MNAT1: variants seen among roughly 807,000 people sequenced by gnomAD.
MNAT1 encodes the protein CDK-activating kinase assembly factor MAT1.
A neutral mutation model predicts 42.0 loss-of-function variants in MNAT1; 43 were observed. The observed-to-expected ratio is 1.02, with a 90% CI of 0.80 to 1.32. The LOEUF (loss-of-function observed/expected upper bound fraction) is 1.32, where lower values mean the gene tolerates loss of function less well. Ranked by LOEUF, MNAT1 falls within the 40% of genes most tolerant of loss-of-function variation. MNAT1 has a pLI of 0.00. For synonymous variants in MNAT1, 118 were observed against 120.0 expected (o/e 0.98, Z 0.11); for missense variants, 306 against 350.4 (o/e 0.87, Z 1.01).
At chr14:60,948,925 T>G (rs1338838832) in intron 7 of MNAT1, among the ~76,000 whole-genome samples, 2 of 151,476 alleles carry the variant, frequency 1.3e-5, no homozygotes, top group African/African-American at 4.8e-5. Flanking sequence ...AACAGCAAGA[T>G]AAGATGATTT....
intron 7 of MNAT1, among the ~76,000 whole-genome samples, chr14:60,924,926 C>T (rs2035735132): frequency 6.6e-6 from 1 of 152,154 alleles, no homozygotes; most frequent in African/African-American, 2.4e-5. Flanking sequence ...AATGTAGATT[C>T]CATATTGTAG....
At chr14:60,895,765 C>CAACAA (rs746386602) in intron 7 of MNAT1, among the ~76,000 whole-genome samples, 112 of 152,170 alleles carry the variant, frequency 7.4e-4, no homozygotes, top group East Asian at 1.2e-3. Context: ...GACTCTGTCT[C>CAACAA]AACAAAACAA....
intron 6 of MNAT1, among the ~76,000 whole-genome samples, chr14:60,871,339 C>T (rs1594819095): frequency 6.6e-6 from 1 of 152,114 alleles, no homozygotes; most frequent in Admixed American, 6.6e-5. Flanking sequence ...AGTAAATTTA[C>T]TTGTCACTTT....
chr14:60,942,918 G>T (rs1207441955), intron 7 of MNAT1, among the ~76,000 whole-genome samples: 1 of 150,704 alleles, frequency 6.6e-6, no homozygotes, highest in Non-Finnish European at 1.5e-5. Context: ...ATTTACAGAT[G>T]TATTTTTAAT....
At chr14:60,920,624 G>A (rs140930742) in intron 7 of MNAT1, among the ~76,000 whole-genome samples, 1,617 of 151,922 alleles carry the variant, frequency 0.011, 11 homozygotes, top group Non-Finnish European at 0.016. Flanking sequence ...TGTATTTTTA[G>A]TAGAGACAGG....
chr14:60,739,944 A>G lies in MNAT1; in HGVS notation c.89+4993A>G, dbSNP rs4151158. 9.8e-5 allele frequency among the ~76,000 whole-genome samples: 15 copies of G among 152,354 alleles called. No individual in the cohort carries two copies. The South Asian group carries it at 2.1e-3, about 21-fold the overall frequency. ...TGAGGCGGGTGGATCACCTGAGGTCAGGAGTTCGAGACCATCCTGGCCAAC... is the reference window on the plus strand; with the variant it reads ...TGAGGCGGGTGGATCACCTGAGGTCGGGAGTTCGAGACCATCCTGGCCAAC... On this transcript the variant is annotated intron_variant, in intron 1 of 7. Transcript: ENST00000261245.
intron 6 of MNAT1, among the ~76,000 whole-genome samples, chr14:60,819,928 TGA>T (rs1370135280): frequency 6.6e-6 from 1 of 152,154 alleles, no homozygotes; most frequent in Non-Finnish European, 1.5e-5. Context: ...TCTCAATAAT[TGA>T]GGTTAGTTTT....
intron 1 of MNAT1, among the ~76,000 whole-genome samples, chr14:60,739,128 C>T (rs1009627179): frequency 1.3e-5 from 2 of 151,858 alleles, no homozygotes; most frequent in African/African-American, 4.8e-5. Context: ...CTACTTATGA[C>T]GTGGCTTCTC....
chr14:60,926,294 G>C (rs2035762443), intron 7 of MNAT1, among the ~76,000 whole-genome samples: 1 of 152,160 alleles, frequency 6.6e-6, no homozygotes, highest in South Asian at 2.1e-4. Context: ...CAGTCCAGTA[G>C]ACACCAACTG....
intron 1 of MNAT1, among the ~76,000 whole-genome samples, chr14:60,774,495 G>A (rs541772058): frequency 1.3e-5 from 2 of 152,232 alleles, no homozygotes; most frequent in Non-Finnish European, 2.9e-5. Flanking sequence ...CATGAACAAG[G>A]GTGAGAAATG....
rs114716017 is a variant in MNAT1 at position 60,791,125 on chromosome 14, G to T, written c.90-5092G>T. Among the ~76,000 whole-genome samples, 199 of 152,048 alleles carry T rather than the reference G, an allele frequency of 1.3e-3. 1 individual carries two copies. Among genetic ancestry groups the T allele is most frequent in the African/African-American group, 4.7e-3 (195 of 41,472 alleles). On this transcript the variant is annotated intron_variant, in intron 1 of 7. Coordinates refer to ENST00000261245, the MANE Select transcript of MNAT1 (RefSeq NM_002431.4). The stretch of plus-strand genomic sequence containing the variant: ...CAAATATTTGTTTTTACACAGCTCC[G>T]TTTTTCTGGCTCAGAATGGACTTAA...
Position 60,828,557 on chromosome 14 carries a change from G to A in MNAT1, c.687+9710G>A, listed in dbSNP as rs575704700. ...GTTTTTTTTTTTTGGTTGTTATTTCGTTTTCTTTTCTGTACCACACCAACC... is the reference window on the plus strand; with the variant it reads ...GTTTTTTTTTTTTGGTTGTTATTTCATTTTCTTTTCTGTACCACACCAACC... On this transcript the variant is annotated intron_variant, in intron 6 of 7. Transcript: ENST00000261245. Among the ~76,000 whole-genome samples, 27 of 149,402 alleles carry A rather than the reference G, an allele frequency of 1.8e-4. No individual in the cohort carries two copies. In the East Asian group the frequency reaches 3.7e-3, roughly 21 times the overall value.
chr14:60,874,370 C>T (rs1358228048), intron 6 of MNAT1, among the ~76,000 whole-genome samples: 1 of 152,186 alleles, frequency 6.6e-6, no homozygotes, highest in Non-Finnish European at 1.5e-5. Flanking sequence ...ACACAACATA[C>T]TGCTCTGGTA....
intron 1 of MNAT1, among the ~76,000 whole-genome samples, chr14:60,738,080 CAAAAAAAA>C (rs35298974): frequency 8.6e-6 from 1 of 115,700 alleles, no homozygotes; most frequent in Non-Finnish European, 1.8e-5. Context: ...CCCTATCTTA[CAAAAAAAA>C]AAAAAAAAAG....
intron 6 of MNAT1, among the ~76,000 whole-genome samples, chr14:60,866,410 C>T (rs2034204113): frequency 6.6e-6 from 1 of 151,206 alleles, no homozygotes; most frequent in Non-Finnish European, 1.5e-5. Context: ...AATTTAGGAC[C>T]CTTCTAGGTA....
At chr14:60,801,211 G>A (rs1006911133) in intron 3 of MNAT1, among the ~76,000 whole-genome samples, 1 of 151,832 alleles carries the variant, frequency 6.6e-6, no homozygotes, top group African/African-American at 2.4e-5. Context: ...ATAGAAAAAT[G>A]TTGAGCATGT....
Position 60,882,215 on chromosome 14 carries a change from T to A in MNAT1, c.809+2380T>A, listed in dbSNP as rs1354201549. 6.6e-5 allele frequency among the ~76,000 whole-genome samples: 10 copies of A among 152,076 alleles called. No individual in the cohort carries two copies. The East Asian group carries it at 1.7e-3, about 26-fold the overall frequency. On this transcript the variant is annotated intron_variant, in intron 7 of 7. Coordinates refer to ENST00000261245, the MANE Select transcript of MNAT1 (RefSeq NM_002431.4). ...TCTAACTATTTTTTTTTCTACCCAT[T>A]AACCATCCCCACATCCTCTCCCACC...
chr14:60,801,781 C>T (rs2032209173), intron 3 of MNAT1, among the ~76,000 whole-genome samples: 1 of 152,202 alleles, frequency 6.6e-6, no homozygotes, highest in East Asian at 1.9e-4. Context: ...TCCTCAAATA[C>T]TAAAAACAGA....
chr14:60,794,660 A>AATATATATATATAT (rs67332094), intron 1 of MNAT1, among the ~76,000 whole-genome samples: 10 of 28,636 alleles, frequency 3.5e-4, no homozygotes, highest in African/African-American at 7.2e-4. Context: ...AAAAAAAAAA[A>AATATATATATATAT]ATATATATAT....
Sources: allele counts gnomAD v4.1 joint callset (sites outside exome capture counted in the v4.1 genomes callset), GRCh38; gene constraint gnomAD v4.1.1; transcripts MANE v1.5; gene names NCBI Gene and HGNC (gene_info 2026-07-23, HGNC 2026-07-21).